HACD2: variants seen among roughly 807,000 people sequenced by gnomAD.
The protein encoded by HACD2 is 3-hydroxyacyl-CoA dehydratase 2.
A neutral mutation model predicts 31.0 loss-of-function variants in HACD2; 15 were observed. The observed-to-expected ratio is 0.48, with a 90% CI of 0.32 to 0.75. HACD2 has a LOEUF of 0.75. HACD2 is among the 30% of genes least tolerant of loss of function. The probability of loss-of-function intolerance (pLI) is 0.03; values close to 1 mark genes in which losing one functional copy is unlikely to be tolerated. For missense variants in HACD2, 283 were observed against 313.0 expected, an observed-to-expected ratio of 0.90 and a Z score of 0.72; for synonymous variants, 115 against 122.2, an observed-to-expected ratio of 0.94 and a Z score of 0.39.
intron 4 of HACD2, among the ~76,000 whole-genome samples, chr3:123,519,730 G>C (rs2056189415): frequency 2.6e-5 from 4 of 152,216 alleles, no homozygotes; most frequent in Admixed American, 2.0e-4. Context: ...TGGCAAAGAA[G>C]CAGGTAATAA....
In HACD2 at chr3:123,584,951, C is replaced by T; in HGVS notation, c.77G>A (p.Ser26Asn). Reference sequence around the variant, plus strand: ...CGGGCCCTTCTTCTTCCGCGTGCCGCTGGCGTCCCCGGCCCCGGCCCTGCC... The same window carrying T: ...CGGGCCCTTCTTCTTCCGCGTGCCGTTGGCGTCCCCGGCCCCGGCCCTGCC... ...GGGRAGAGDA[S>N]GTRKKKGPGP... Residue 26 changes from serine to asparagine, a missense_variant, in exon 1 of 7, where the codon AGC (serine) becomes AAC (asparagine). This residue lies in a region of HACD2 where 158 missense variants were observed against 148.3 expected (regional missense o/e 1.07). Coordinates refer to ENST00000383657, the MANE Select transcript of HACD2 (RefSeq NM_198402.5). 6.5e-7 allele frequency: 1 copy of T among 1,529,116 alleles called. No homozygotes were observed. Among genetic ancestry groups the T allele is most frequent in the Non-Finnish European group, 8.8e-7 (1 of 1,138,176 alleles). 94.7% of individuals were successfully genotyped at this position (1,529,116 alleles called of 1,614,324 possible).
chr3:123,580,339 G>A (rs1263838723), intron 2 of HACD2, among the ~76,000 whole-genome samples: 2 of 152,110 alleles, frequency 1.3e-5, no homozygotes, highest in Non-Finnish European at 2.9e-5. Flanking sequence ...AGCCAGGCAC[G>A]GTAGTGCACG....
chr3:123,519,921 T>G lies in HACD2; in HGVS notation c.381+8465A>C, dbSNP rs1000852099. Reference sequence around the variant, plus strand: ...CGATGCATACCAATCACCTCACTTTTACAGTGAGAAATGAGAATCTTCAAA... The same window carrying G: ...CGATGCATACCAATCACCTCACTTTGACAGTGAGAAATGAGAATCTTCAAA... On this transcript the variant is annotated intron_variant, in intron 4 of 6. Coordinates refer to ENST00000383657, the MANE Select transcript of HACD2 (RefSeq NM_198402.5). Among the ~76,000 whole-genome samples the G allele has an allele frequency of 3.3e-5, 5 of 152,358 alleles. No homozygotes were observed. In the East Asian group the frequency reaches 9.6e-4, roughly 29 times the overall value.
intron 4 of HACD2, among the ~76,000 whole-genome samples, chr3:123,506,593 C>G (rs1206770462): frequency 6.6e-6 from 1 of 152,074 alleles, no homozygotes; most frequent in Non-Finnish European, 1.5e-5. Context: ...CCACACCCAG[C>G]TAATTTTTTT....
chr3:123,524,351 T>C (rs1389418205), intron 4 of HACD2, among the ~76,000 whole-genome samples: 2 of 152,166 alleles, frequency 1.3e-5, no homozygotes, highest in Non-Finnish European at 2.9e-5. Flanking sequence ...GTCCAAATAG[T>C]GCATACATCC....
chr3:123,518,780 A>G (rs2056176689), intron 4 of HACD2, among the ~76,000 whole-genome samples: 1 of 152,074 alleles, frequency 6.6e-6, no homozygotes, highest in East Asian at 1.9e-4. Flanking sequence ...GGCAGATCAC[A>G]AGGTCAGGAG....
At chr3:123,565,774 G>A (rs1391776807) in intron 3 of HACD2, among the ~76,000 whole-genome samples, 2 of 152,066 alleles carry the variant, frequency 1.3e-5, no homozygotes, top group Non-Finnish European at 2.9e-5. Context: ...AACTCTCTCT[G>A]GCCAAATATA....
At chr3:123,510,674 C>T (rs912327121) in intron 4 of HACD2, among the ~76,000 whole-genome samples, 2 of 152,104 alleles carry the variant, frequency 1.3e-5, no homozygotes, top group African/African-American at 4.8e-5. Flanking sequence ...TGTTGATGGA[C>T]ATTTGGGCTG....
intron 3 of HACD2, among the ~76,000 whole-genome samples, chr3:123,566,368 T>A (rs1002323499): frequency 1.3e-5 from 2 of 151,950 alleles, no homozygotes; most frequent in African/African-American, 4.8e-5. Flanking sequence ...CACTGAAGCC[T>A]CAACCTCCTG....
chr3:123,532,370 A>T (rs1201558092), intron 3 of HACD2, among the ~76,000 whole-genome samples: 1 of 152,160 alleles, frequency 6.6e-6, no homozygotes, highest in African/African-American at 2.4e-5. Context: ...CCCTCACCTG[A>T]CAGCACAATC....
intron 3 of HACD2, among the ~76,000 whole-genome samples, chr3:123,538,092 A>C (rs993240774): frequency 3.3e-5 from 5 of 152,224 alleles, no homozygotes; most frequent in African/African-American, 1.2e-4. Context: ...CATGGGACTC[A>C]GAAAAGAGGA....
intron 3 of HACD2, among the ~76,000 whole-genome samples, chr3:123,530,046 T>C (rs547397271): frequency 1.3e-5 from 2 of 152,342 alleles, no homozygotes; most frequent in Admixed American, 6.5e-5. Flanking sequence ...ATTTCTATTA[T>C]AATAGACCTA....
intron 4 of HACD2, among the ~76,000 whole-genome samples, chr3:123,512,984 C>T (rs2056083320): frequency 6.6e-6 from 1 of 152,086 alleles, no homozygotes; most frequent in Non-Finnish European, 1.5e-5. Context: ...TCAGGCAGGG[C>T]TCTTTGGCAA....
chr3:123,496,867 G>A (rs1215225749), intron 6 of HACD2, among the ~76,000 whole-genome samples: 1 of 152,216 alleles, frequency 6.6e-6, no homozygotes, highest in Non-Finnish European at 1.5e-5. Context: ...GAGGGCCCGG[G>A]GAAGGAGAAT....
chr3:123,575,265 T>C (rs1402677389), intron 2 of HACD2, among the ~76,000 whole-genome samples: 1 of 152,100 alleles, frequency 6.6e-6, no homozygotes, highest in Non-Finnish European at 1.5e-5. Flanking sequence ...CGCCACTGTA[T>C]CCGGCTAATT....
chr3:123,583,740 T>C (rs1402207489), intron 1 of HACD2, among the ~76,000 whole-genome samples: 1 of 152,200 alleles, frequency 6.6e-6, no homozygotes, highest in Non-Finnish European at 1.5e-5. Flanking sequence ...GATAGGGGGA[T>C]GTATAAACAT....
intron 2 of HACD2, among the ~76,000 whole-genome samples, chr3:123,568,145 C>A (rs370682689): frequency 6.6e-6 from 1 of 152,196 alleles, no homozygotes; most frequent in Non-Finnish European, 1.5e-5. Flanking sequence ...AGAACCACCA[C>A]GGACTCCGGA....
intron 3 of HACD2, among the ~76,000 whole-genome samples, chr3:123,545,852 C>T (rs2107725904): frequency 6.6e-6 from 1 of 151,744 alleles, no homozygotes; most frequent in South Asian, 2.1e-4. Flanking sequence ...GCTGGGATTA[C>T]AGGCGTGCAC....
rs2055778193 is a variant in HACD2 at position 123,492,643 on chromosome 3, CACT to C, written c.*2242_*2244del. 1 of 152,230 alleles carries C rather than the reference CACT, an allele frequency of 6.6e-6. No individual in the cohort carries two copies. The highest frequency in any genetic ancestry group is 2.4e-5 in the African/African-American group (1 of 41,526). The allele number at this position is 152,230 out of a possible 1,614,324, so 9.4% of individuals were successfully genotyped here. A position where few individuals can be genotyped will look rare whatever the true frequency, so the allele number is the denominator to read the frequency against. Reference sequence around the variant, plus strand: ...GCCAAAGTTCAATTCAATGCAACACCACTGTTTGCAACAGAATGTTTTTTATAA... The same window carrying C: ...GCCAAAGTTCAATTCAATGCAACACCGTTTGCAACAGAATGTTTTTTATAA... On this transcript the variant is annotated 3_prime_UTR_variant, in exon 7 of 7. Coordinates refer to ENST00000383657, the MANE Select transcript of HACD2 (RefSeq NM_198402.5).
Sources: gnomAD v4.1 joint callset for allele counts (sites outside exome capture counted in the v4.1 genomes callset) on GRCh38, gnomAD v4.1.1 for gene constraint, gnomAD v4.1.1 regional missense constraint, MANE v1.5 for transcripts, NCBI Gene and HGNC (gene_info 2026-07-23, HGNC 2026-07-21) for gene names.